GALNT17: variants seen among roughly 807,000 people sequenced by gnomAD.
GALNT17 encodes the protein polypeptide N-acetylgalactosaminyltransferase 17.
In GALNT17, 29 loss-of-function variants were observed where a neutral mutation model predicts 63.7. That is an observed-to-expected ratio of 0.46 (90% confidence interval 0.34 to 0.62). The LOEUF (loss-of-function observed/expected upper bound fraction) is 0.62. GALNT17 is among the 20% of genes least tolerant of loss of function. The pLI, the probability that GALNT17 is intolerant of heterozygous loss-of-function variation, is 0.01. For missense variants in GALNT17, 603 were observed against 799.6 expected, an observed-to-expected ratio of 0.75 and a Z score of 2.97; for synonymous variants, 305 against 318.3, an observed-to-expected ratio of 0.96 and a Z score of 0.45.
At chr7:71,177,880 T>A (rs1788667465) in intron 1 of GALNT17, among the ~76,000 whole-genome samples, 2 of 152,190 alleles carry the variant, frequency 1.3e-5, no homozygotes, top group African/African-American at 2.4e-5. Context: ...ATAATCTATA[T>A]ATATTTATGT....
intron 1 of GALNT17, among the ~76,000 whole-genome samples, chr7:71,308,591 C>T (rs1297683761): frequency 6.6e-6 from 1 of 151,998 alleles, no homozygotes; most frequent in Non-Finnish European, 1.5e-5. Context: ...GATCAAGAGC[C>T]CCTCTGTATC....
intron 1 of GALNT17, among the ~76,000 whole-genome samples, chr7:71,206,114 TATG>T (rs943285388): frequency 2.0e-5 from 3 of 148,666 alleles, no homozygotes; most frequent in African/African-American, 7.4e-5. Flanking sequence ...TGTGTATACA[TATG>T]AGGTGTGTGT....
At chr7:71,137,988 A>C (rs1174739398) in intron 1 of GALNT17, among the ~76,000 whole-genome samples, 1 of 152,194 alleles carries the variant, frequency 6.6e-6, no homozygotes, top group East Asian at 1.9e-4. Context: ...CTTATTTTCT[A>C]TCTTGTGTGT....
intron 5 of GALNT17, among the ~76,000 whole-genome samples, chr7:71,511,500 C>T (rs1169538295): frequency 6.6e-6 from 1 of 152,170 alleles, no homozygotes; most frequent in African/African-American, 2.4e-5. Context: ...GTTCATTTGC[C>T]TAGGACTTCA....
At chr7:71,321,832 C>T (rs1791611139) in intron 1 of GALNT17, among the ~76,000 whole-genome samples, 1 of 147,592 alleles carries the variant, frequency 6.8e-6, no homozygotes, top group South Asian at 2.2e-4. Context: ...ACACCCAGCT[C>T]CCTCCCTCCT....
intron 1 of GALNT17, among the ~76,000 whole-genome samples, chr7:71,149,259 G>A (rs751062203): frequency 6.6e-6 from 1 of 152,094 alleles, no homozygotes; most frequent in Non-Finnish European, 1.5e-5. Context: ...CACATATCAA[G>A]TATTTTGTGT....
chr7:71,426,562 T>G (rs1411293702), intron 5 of GALNT17, among the ~76,000 whole-genome samples: 2 of 152,158 alleles, frequency 1.3e-5, no homozygotes, highest in African/African-American at 2.4e-5. Flanking sequence ...GCATCTTGGC[T>G]TTTGAGGAGG....
At chr7:71,197,973 G>T (rs1285430440) in intron 1 of GALNT17, among the ~76,000 whole-genome samples, 1 of 151,888 alleles carries the variant, frequency 6.6e-6, no homozygotes, top group Non-Finnish European at 1.5e-5. Context: ...CGAGGTGGGC[G>T]GATCACCAGA....
chr7:71,237,781 T>A (rs1247223970), intron 1 of GALNT17, among the ~76,000 whole-genome samples: 1 of 152,166 alleles, frequency 6.6e-6, no homozygotes, highest in Non-Finnish European at 1.5e-5. Flanking sequence ...AGTGGCTAAA[T>A]AAGAGTTTTG....
intron 6 of GALNT17, among the ~76,000 whole-genome samples, chr7:71,591,413 T>C (rs1336890133): frequency 6.6e-6 from 1 of 152,000 alleles, no homozygotes; most frequent in Non-Finnish European, 1.5e-5. Flanking sequence ...CCCGAATTGC[T>C]CCCTGCAGCC....
intron 5 of GALNT17, among the ~76,000 whole-genome samples, chr7:71,549,029 C>G (rs919839655): frequency 2.0e-5 from 3 of 152,166 alleles, no homozygotes; most frequent in African/African-American, 7.2e-5. Context: ...AGGAATGCCC[C>G]TTGCCAGCTA....
chr7:71,395,213 C>G (rs1311228885), intron 3 of GALNT17, among the ~76,000 whole-genome samples: 2 of 152,292 alleles, frequency 1.3e-5, no homozygotes, highest in East Asian at 3.9e-4. Context: ...CAAAATAAAC[C>G]CTGAACCTGG....
intron 1 of GALNT17, among the ~76,000 whole-genome samples, chr7:71,138,727 A>G (rs1378306410): frequency 6.6e-6 from 1 of 152,042 alleles, no homozygotes; most frequent in African/African-American, 2.4e-5. Flanking sequence ...TAATCCCAGC[A>G]TTTTGGGAGG....
intron 1 of GALNT17, among the ~76,000 whole-genome samples, chr7:71,253,782 C>T (rs1790243196): frequency 1.3e-5 from 2 of 152,214 alleles, no homozygotes; most frequent in Admixed American, 1.3e-4. Context: ...AAAATTTCTA[C>T]AGCTCCCCAA....
At chr7:71,428,366 G>C (rs1385783766) in intron 5 of GALNT17, among the ~76,000 whole-genome samples, 5 of 151,622 alleles carry the variant, frequency 3.3e-5, no homozygotes, top group Non-Finnish European at 1.5e-5. Flanking sequence ...TTTGTTTCTG[G>C]CTTCTTTTAT....
chr7:71,406,269 A>G (rs1423054656), intron 3 of GALNT17, among the ~76,000 whole-genome samples: 1 of 152,216 alleles, frequency 6.6e-6, no homozygotes, highest in Non-Finnish European at 1.5e-5. Context: ...CATTGGTGGA[A>G]TCTGCCTCCC....
chr7:71,520,740 A>G (rs1788517064), intron 5 of GALNT17, among the ~76,000 whole-genome samples: 1 of 152,080 alleles, frequency 6.6e-6, no homozygotes. Flanking sequence ...TGGAAAGATT[A>G]CTAGGCTTGA....
intron 6 of GALNT17, among the ~76,000 whole-genome samples, chr7:71,652,026 A>G (rs899109589): frequency 5.3e-5 from 8 of 152,188 alleles, no homozygotes; most frequent in African/African-American, 1.9e-4. Flanking sequence ...AAATGGTGAA[A>G]ATAAACCCAT....
chr7:71,593,626 T>C (rs562296350), intron 6 of GALNT17, among the ~76,000 whole-genome samples: 1 of 152,322 alleles, frequency 6.6e-6, no homozygotes, highest in East Asian at 1.9e-4. Context: ...ATGTCATGGA[T>C]GGGAACTTCT....
Sources: allele counts gnomAD v4.1 joint callset (sites outside exome capture counted in the v4.1 genomes callset), GRCh38; gene constraint gnomAD v4.1.1; transcripts MANE v1.5; gene names NCBI Gene and HGNC (gene_info 2026-07-23, HGNC 2026-07-21).